The following PRKD1 variants were observed in gnomAD, a reference collection of about 807,000 sequenced individuals.
The protein encoded by PRKD1 is protein kinase D1, also known as serine/threonine-protein kinase D1.
In PRKD1, 63 loss-of-function variants were observed where a neutral mutation model predicts 95.9. The ratio of observed to expected loss-of-function variants is 0.66; its 90% CI spans 0.54 to 0.81. PRKD1 has a LOEUF of 0.81. PRKD1 is among the 30% of genes least tolerant of loss of function. The pLI is 0.00. For missense variants in PRKD1, 1,048 were observed against 1,165.3 expected (o/e 0.90, Z 1.47); for synonymous variants, 425 against 423.1 (o/e 1.00, Z -0.05).
At chr14:29,882,180 C>T (rs990432267) in intron 1 of PRKD1, among the ~76,000 whole-genome samples, 1 of 152,206 alleles carries the variant, frequency 6.6e-6, no homozygotes, top group Non-Finnish European at 1.5e-5. Flanking sequence ...CTGCTAAATA[C>T]ATATTTGAAT....
At chr14:29,691,282 C>A (rs1037186388) in intron 2 of PRKD1, among the ~76,000 whole-genome samples, 1 of 152,180 alleles carries the variant, frequency 6.6e-6, no homozygotes, top group Admixed American at 6.5e-5. Context: ...CTATACAGCC[C>A]ACTCGTGATT....
chr14:29,733,185 C>T (rs963255593), intron 1 of PRKD1, among the ~76,000 whole-genome samples: 6 of 151,392 alleles, frequency 4.0e-5, no homozygotes, highest in Admixed American at 3.3e-4. Flanking sequence ...TCACTGCAAG[C>T]TCCGCCTCCC....
rs1272573549 is a variant in PRKD1, at chr14:29,624,285, G to A, written c.1799-27C>T. 3.3e-6 allele frequency: 5 copies of A among 1,516,230 alleles called. No individual in the cohort carries two copies. In the South Asian group the frequency reaches 3.6e-5, roughly 11 times the overall value. The allele number at this position is 1,516,230 out of a possible 1,614,324, so 93.9% of individuals were successfully genotyped here. On this transcript the variant is annotated intron_variant, in intron 12 of 17. Transcript: ENST00000331968. ...TTTAAAATGAAAAAGGGAAGCATTAGTAAGTTATTAAATATCATCTATCTT... is the reference window on the plus strand; with the variant it reads ...TTTAAAATGAAAAAGGGAAGCATTAATAAGTTATTAAATATCATCTATCTT...
chr14:29,638,397 C>T, intron 6 of PRKD1, 92 bp downstream of exon 6: 2 of 1,430,146 alleles, frequency 1.4e-6, no homozygotes, highest in South Asian at 2.4e-5. Flanking sequence ...ATATCTGAAC[C>T]AAAACCAAAA....
intron 2 of PRKD1, among the ~76,000 whole-genome samples, chr14:29,668,052 G>A (rs2139224606): frequency 6.6e-6 from 1 of 151,548 alleles, no homozygotes; most frequent in African/African-American, 2.4e-5. Context: ...GTTAATTTTA[G>A]AATAATTAAA....
intron 13 of PRKD1, among the ~76,000 whole-genome samples, chr14:29,613,920 T>C (rs1375194325): frequency 6.6e-6 from 1 of 152,220 alleles, no homozygotes; most frequent in East Asian, 1.9e-4. Flanking sequence ...TTTGTTTACA[T>C]TTGTATCCCT....
chr14:29,698,520 T>C (rs1467300604), intron 2 of PRKD1, among the ~76,000 whole-genome samples: 1 of 152,278 alleles, frequency 6.6e-6, no homozygotes, highest in East Asian at 1.9e-4. Flanking sequence ...GTTTAAATAG[T>C]ACATAAAAAC....
At chr14:29,594,646 T>C (rs965852459) in intron 16 of PRKD1, among the ~76,000 whole-genome samples, 2 of 152,192 alleles carry the variant, frequency 1.3e-5, no homozygotes, top group Admixed American at 6.5e-5. Flanking sequence ...ATGGAGGTGC[T>C]TGGGTTTTTA....
chr14:29,836,211 C>G (rs1891605622), intron 1 of PRKD1, among the ~76,000 whole-genome samples: 1 of 152,272 alleles, frequency 6.6e-6, no homozygotes, highest in East Asian at 1.9e-4. Context: ...GTTTGGAAAG[C>G]AAGCTGGAGC....
intron 1 of PRKD1, among the ~76,000 whole-genome samples, chr14:29,845,802 GAAC>G (rs1049379160): frequency 2.6e-5 from 4 of 152,082 alleles, no homozygotes; most frequent in Non-Finnish European, 5.9e-5. Context: ...AAACACTTCT[GAAC>G]AACAGACTAT....
intron 1 of PRKD1, among the ~76,000 whole-genome samples, chr14:29,752,564 T>G (rs1887527232): frequency 1.3e-5 from 2 of 150,248 alleles, no homozygotes; most frequent in African/African-American, 4.9e-5. Context: ...TATTATTATA[T>G]CCATATATCT....
At chr14:29,606,288 C>T (rs992436648) in intron 13 of PRKD1, among the ~76,000 whole-genome samples, 2 of 152,172 alleles carry the variant, frequency 1.3e-5, no homozygotes, top group Non-Finnish European at 2.9e-5. Context: ...GCTGGGATTA[C>T]AGGCATGAGC....
intron 1 of PRKD1, among the ~76,000 whole-genome samples, chr14:29,762,662 C>G (rs755295425): frequency 7.2e-5 from 11 of 152,214 alleles, no homozygotes; most frequent in Non-Finnish European, 1.3e-4. Context: ...GTGACCACTT[C>G]TAGATTGCAG....
chr14:29,757,827 T>C (rs947413926), intron 1 of PRKD1, among the ~76,000 whole-genome samples: 2 of 151,932 alleles, frequency 1.3e-5, no homozygotes, highest in Admixed American at 6.6e-5. Context: ...TTTGGGGACC[T>C]TGCCAAAGTC....
chr14:29,643,443 T>C (rs1470503836), intron 4 of PRKD1, among the ~76,000 whole-genome samples: 13 of 152,202 alleles, frequency 8.5e-5, no homozygotes, highest in Non-Finnish European at 1.8e-4. Flanking sequence ...GTGTTTCATT[T>C]GAAATTACTG....
At chr14:29,692,850 C>A (rs1884312730) in intron 2 of PRKD1, among the ~76,000 whole-genome samples, 1 of 152,100 alleles carries the variant, frequency 6.6e-6, no homozygotes, top group South Asian at 2.1e-4. Flanking sequence ...TATAACTTGG[C>A]CAAATAACCA....
At chr14:29,910,748 C>T (rs1366870636) in intron 1 of PRKD1, among the ~76,000 whole-genome samples, 1 of 152,128 alleles carries the variant, frequency 6.6e-6, no homozygotes, top group African/African-American at 2.4e-5. Context: ...GTGGGATACA[C>T]GATTCCCCCT....
At chr14:29,578,042 G>C (rs1018555086) in intron 17 of PRKD1, among the ~76,000 whole-genome samples, 1 of 152,034 alleles carries the variant, frequency 6.6e-6, no homozygotes, top group African/African-American at 2.4e-5. Context: ...TGGGCTGTGT[G>C]TGTGTGTGTA....
intron 6 of PRKD1, among the ~76,000 whole-genome samples, chr14:29,637,591 C>T (rs1206807995): frequency 6.6e-6 from 1 of 152,154 alleles, no homozygotes; most frequent in African/African-American, 2.4e-5. Context: ...TGAACAAAGT[C>T]AACACCACAT....
Sources: gnomAD v4.1 joint callset for allele counts (sites outside exome capture counted in the v4.1 genomes callset) on GRCh38, gnomAD v4.1.1 for gene constraint, MANE v1.5 for transcripts, NCBI Gene and HGNC (gene_info 2026-07-23, HGNC 2026-07-21) for gene names.